The following DCC variants were observed in gnomAD, a reference collection of about 807,000 sequenced individuals.
The protein encoded by DCC is DCC netrin 1 receptor.
In DCC, 58 loss-of-function variants were observed where a neutral mutation model predicts 172.5. That is an observed-to-expected ratio of 0.34 (90% CI 0.27 to 0.42). The LOEUF (loss-of-function observed/expected upper bound fraction) is 0.42, where lower values mean the gene tolerates loss of function less well. Ranked by LOEUF, DCC falls within the 10% of genes least tolerant of loss-of-function variation. DCC has a pLI of 1.00. For synonymous variants in DCC, 709 were observed against 644.5 expected, an observed-to-expected ratio of 1.10 and a Z score of -1.52; for missense variants, 1,740 against 1,791.0, an observed-to-expected ratio of 0.97 and a Z score of 0.51.
chr18:52,804,619 T>A (rs1345722643), intron 2 of DCC, among the ~76,000 whole-genome samples: 2 of 152,208 alleles, frequency 1.3e-5, no homozygotes, highest in Non-Finnish European at 2.9e-5. Context: ...CAGGCTGAAG[T>A]GCAGTGGTGC....
At chr18:52,415,465 G>A (rs555797547) in intron 1 of DCC, among the ~76,000 whole-genome samples, 64 of 152,292 alleles carry the variant, frequency 4.2e-4, no homozygotes, top group African/African-American at 1.5e-3. Context: ...CCAACAGCAA[G>A]GCACTGTGTA....
chr18:53,427,845 ATATTTCTTT>A, intron 21 of DCC, among the ~76,000 whole-genome samples: 2 of 126,828 alleles, frequency 1.6e-5, no homozygotes, highest in African/African-American at 2.9e-5. Flanking sequence ...TATAATATAT[ATATTTCTTT>A]TTATATATAA....
chr18:52,972,517 CT>C (rs34383367), intron 5 of DCC, among the ~76,000 whole-genome samples: 27,528 of 138,684 alleles, frequency 0.2, 3,324 homozygotes, highest in African/African-American at 0.34. Context: ...AAATTTCTTG[CT>C]TTTTTTTTTT....
intron 25 of DCC, among the ~76,000 whole-genome samples, chr18:53,484,015 AGT>A (rs533051111): frequency 6.6e-6 from 1 of 150,898 alleles, no homozygotes; most frequent in African/African-American, 2.4e-5. Flanking sequence ...AGATAGATAT[AGT>A]GTGTGTGTAT....
intron 27 of DCC, among the ~76,000 whole-genome samples, chr18:53,513,499 A>G (rs2046287248): frequency 6.6e-6 from 1 of 152,248 alleles, no homozygotes; most frequent in Non-Finnish European, 1.5e-5. Flanking sequence ...AAATGCTCCA[A>G]TTAAAAGACA....
chr18:53,206,525 A>AT (rs1555730465), intron 10 of DCC, among the ~76,000 whole-genome samples: 13 of 122,030 alleles, frequency 1.1e-4, no homozygotes, highest in African/African-American at 3.6e-4. Context: ...TACATGTATT[A>AT]TATATAATAC....
chr18:52,515,164 G>A (rs1353887060), intron 1 of DCC, among the ~76,000 whole-genome samples: 1 of 152,136 alleles, frequency 6.6e-6, no homozygotes, highest in African/African-American at 2.4e-5. Context: ...ACTAATTTTT[G>A]ACAAAGGCTC....
chr18:53,404,141 T>C (rs1348280344), intron 19 of DCC, among the ~76,000 whole-genome samples: 1 of 152,180 alleles, frequency 6.6e-6, no homozygotes, highest in Non-Finnish European at 1.5e-5. Context: ...GCTTTTGATT[T>C]GTTTATATTT....
At chr18:52,575,080 C>T (rs1324684062) in intron 1 of DCC, among the ~76,000 whole-genome samples, 1 of 152,064 alleles carries the variant, frequency 6.6e-6, no homozygotes, top group Non-Finnish European at 1.5e-5. Context: ...ATCATGACAT[C>T]TGGAATTTAG....
chr18:53,074,840 G>T (rs1235507145), intron 7 of DCC, among the ~76,000 whole-genome samples: 1 of 152,014 alleles, frequency 6.6e-6, no homozygotes. Flanking sequence ...GGAATATAGT[G>T]TATATTTATG....
intron 2 of DCC, among the ~76,000 whole-genome samples, chr18:52,766,056 G>A (rs73957686): frequency 9.9e-5 from 15 of 152,282 alleles, no homozygotes; most frequent in Admixed American, 3.3e-4. Flanking sequence ...TGTGGAGGGA[G>A]CGTACAAGTG....
intron 12 of DCC, among the ~76,000 whole-genome samples, chr18:53,240,891 T>C (rs2056282535): frequency 6.6e-6 from 1 of 152,218 alleles, no homozygotes; most frequent in Non-Finnish European, 1.5e-5. Context: ...CATTTTCACT[T>C]TTAGAGAGTC....
chr18:53,318,702 T>G (rs1202418387), intron 13 of DCC, among the ~76,000 whole-genome samples: 1 of 152,146 alleles, frequency 6.6e-6, no homozygotes, highest in Non-Finnish European at 1.5e-5. Flanking sequence ...TAGTTAGCTC[T>G]TCTTGTTTCA....
intron 26 of DCC, among the ~76,000 whole-genome samples, chr18:53,491,847 A>G (rs779739184): frequency 6.6e-6 from 1 of 151,734 alleles, no homozygotes; most frequent in Non-Finnish European, 1.5e-5. Flanking sequence ...ATTCTGGGCC[A>G]AATGGTATTT....
At chr18:52,932,024 C>T (rs1358693378) in intron 5 of DCC, 2 of 152,040 alleles carry the variant, frequency 1.3e-5, no homozygotes, top group Non-Finnish European at 1.5e-5. Flanking sequence ...TCTCCACTCT[C>T]ATAGAAAACA....
chr18:52,781,871 T>TTTTTG (rs145165572), intron 2 of DCC, among the ~76,000 whole-genome samples: 3 of 136,482 alleles, frequency 2.2e-5, no homozygotes, highest in Non-Finnish European at 4.9e-5. Flanking sequence ...TATTACTTTG[T>TTTTTG]TTTTTTTATA....
intron 1 of DCC, among the ~76,000 whole-genome samples, chr18:52,345,973 G>A (rs1052723702): frequency 8.5e-5 from 13 of 152,152 alleles, no homozygotes; most frequent in African/African-American, 3.1e-4. Context: ...CCCCAAAATG[G>A]TGTTACCAGG....
intron 4 of DCC, among the ~76,000 whole-genome samples, chr18:52,924,805 C>T (rs1266388750): frequency 1.3e-5 from 2 of 151,984 alleles, no homozygotes; most frequent in African/African-American, 4.8e-5. Context: ...AAGGTGTGTT[C>T]TCTGCGTATA....
chr18:52,880,423 A>G lies in DCC; in HGVS notation c.413-25621A>G, dbSNP rs559183501. On this transcript the variant is annotated intron_variant, in intron 2 of 28. Transcript: ENST00000442544. ...CTCAGCCTCCCAAAGTGTTAGGATT[A>G]CAGGCGTTAGCCACCTTGCCCGGCC... Among the ~76,000 whole-genome samples, 10 of 152,306 alleles carry G rather than the reference A, an allele frequency of 6.6e-5. No homozygotes were observed. The East Asian group carries it at 9.7e-4, about 15-fold the overall frequency.
Sources: gnomAD v4.1 joint callset for allele counts (sites outside exome capture counted in the v4.1 genomes callset) on GRCh38, gnomAD v4.1.1 for gene constraint, MANE v1.5 for transcripts, NCBI Gene and HGNC (gene_info 2026-07-23, HGNC 2026-07-21) for gene names.